The following TMF1 variants were observed in gnomAD, a reference collection of about 807,000 sequenced individuals.
TMF1 encodes TATA element modulatory factor.
In TMF1, 71 loss-of-function variants were observed where a neutral mutation model predicts 126.5. That is an observed-to-expected ratio of 0.56 (90% confidence interval 0.46 to 0.68). The LOEUF is 0.68. TMF1 is among the 30% of genes least tolerant of loss of function. The pLI is 0.00. For synonymous variants in TMF1, 461 were observed against 430.5 expected, an observed-to-expected ratio of 1.07 and a Z score of -0.88; for missense variants, 1,259 against 1,253.2, an observed-to-expected ratio of 1.00 and a Z score of -0.07.
At chr3:69,034,280 C>T (rs2091820646) in intron 9 of TMF1, among the ~76,000 whole-genome samples, 1 of 151,970 alleles carries the variant, frequency 6.6e-6, no homozygotes, top group African/African-American at 2.4e-5. Flanking sequence ...CAAGACCAGC[C>T]TGGCCAACAT....
At chr3:69,042,974 A>C (rs1342502604) in intron 4 of TMF1, 62 bp from the exon 5 acceptor site, 1 of 1,173,050 alleles carries the variant, frequency 8.5e-7, no homozygotes, top group Non-Finnish European at 1.2e-6. Context: ...TACAGTTCTC[A>C]TTTCTCCCCC....
intron 2 of TMF1, among the ~76,000 whole-genome samples, chr3:69,045,796 A>G (rs988706081): frequency 2.0e-5 from 3 of 152,174 alleles, no homozygotes; most frequent in African/African-American, 4.8e-5. Flanking sequence ...ACACGGGTTC[A>G]TGCTTATAAT....
intron 15 of TMF1, 129 bp from the exon 16 acceptor site, chr3:69,024,309 C>T (rs1339836109): frequency 5.2e-6 from 4 of 775,116 alleles, no homozygotes; most frequent in Non-Finnish European, 7.6e-6. Flanking sequence ...AACATATAAC[C>T]TTGAGCTAGC....
rs1033782777 is a variant in TMF1 at position 69,047,547 on chromosome 3, T to C, written c.1158A>G (p.Ile386Met). 18 of 1,614,064 alleles carry C rather than the reference T, an allele frequency of 1.1e-5. No homozygotes were observed. The African/African-American group carries it at 1.9e-4, about 17-fold the overall frequency. The change falls in exon 2 of 17, where the codon ATA becomes ATG. Residue 386 changes from isoleucine (I) to methionine (M), a missense_variant. By Grantham distance (10) the Ile-to-Met change is conservative. Coordinates refer to ENST00000398559, the MANE Select transcript of TMF1 (RefSeq NM_007114.3). ...CTTCCATTTCTGCTTCCTCAGTGGG[T>C]ATAACTAATGTTTCATTTACTTCTT... Reference protein sequence around the residue: ...KSEEVNETLVIPTEEAEMEES... With the variant: ...KSEEVNETLVMPTEEAEMEES...
At position 69,024,145 on chromosome 3, in the gene TMF1, T is replaced by A. The variant is rs2091753658; in HGVS notation, c.3048A>T (p.Ile1016=). 1 of 1,608,690 alleles carries A rather than the reference T, an allele frequency of 6.2e-7. No homozygotes were observed. Among genetic ancestry groups the A allele is most frequent in the Non-Finnish European group, 8.5e-7 (1 of 1,178,014 alleles). Reference sequence around the variant, plus strand: ...TTAATTTAACTAGTTCTTCAGCCATTATTGATCGAGTTTTTTCTAGATTGC... The same window carrying A: ...TTAATTTAACTAGTTCTTCAGCCATAATTGATCGAGTTTTTTCTAGATTGC... ...EIGNLEKTRS[I]MAEELVKLTN... Residue 1016 remains isoleucine (I), a synonymous_variant, in exon 16 of 17, where the codon ATA becomes ATT. Transcript: ENST00000398559.
At chr3:69,041,891 G>T (rs937823965) in intron 5 of TMF1, among the ~76,000 whole-genome samples, 1 of 151,924 alleles carries the variant, frequency 6.6e-6, no homozygotes, top group African/African-American at 2.4e-5. Context: ...ATTAACAAGA[G>T]AAATAAAAAG....
intron 1 of TMF1, among the ~76,000 whole-genome samples, chr3:69,050,976 A>G (rs2091924383): frequency 6.6e-6 from 1 of 152,338 alleles, no homozygotes; most frequent in South Asian, 2.1e-4. Context: ...TGAAACTGCA[A>G]AGAGAGACTT....
rs1380489941 is a variant in TMF1, at chr3:69,044,216, C to T, written c.1451+276G>A. ...AGCACAACTGTGTTATTGATTAACA[C>T]AGTTTTCTTCAAATACGTTTTAAAT... On this transcript the variant is annotated intron_variant, in intron 3 of 16. Transcript: ENST00000398559. Among the ~76,000 whole-genome samples, 5 of 152,272 alleles carry T rather than the reference C, an allele frequency of 3.3e-5. No homozygotes were observed. The South Asian group carries it at 8.3e-4, about 25-fold the overall frequency.
In TMF1 at chr3:69,042,784, A is replaced by T. The variant is rs779900492; in HGVS notation, c.1684+23T>A. On this transcript the variant is annotated intron_variant, in intron 5 of 16. Transcript: ENST00000398559. ...TTCCTGTTCTTACAGTATTTTTCAT[A>T]GTCAACCAAATACTATACGCACCTT... is the stretch of plus-strand genomic sequence containing the variant. 14 of 1,576,212 alleles carry T rather than the reference A, an allele frequency of 8.9e-6. No homozygotes were observed. In the Admixed American group the frequency reaches 2.2e-4, roughly 25 times the overall value.
chr3:69,043,740 T>C lies in TMF1; in HGVS notation c.1578+10A>G, dbSNP rs759595005. The C allele has an allele frequency of 7.5e-6, 12 of 1,597,834 alleles. 1 individual carries two copies. The South Asian group carries it at 1.3e-4, about 17-fold the overall frequency. ...AGAGTTTAATTAATATTACTTTAAA[T>C]TTCAATTACCTTTTTAGCAGCATCT... On this transcript the variant is annotated intron_variant, in intron 4 of 16. Transcript: ENST00000398559.
At chr3:69,033,377 A>G (rs576775354) in intron 10 of TMF1, among the ~76,000 whole-genome samples, 171 bp downstream of exon 10, 149 of 152,294 alleles carry the variant, frequency 9.8e-4, no homozygotes, top group African/African-American at 3.3e-3. Context: ...TGAAAGAGAC[A>G]TAATAAAGGT....
In TMF1 at chr3:69,029,961, T is replaced by C. The variant is rs1387849762; in HGVS notation, c.2448A>G (p.Ala816=). 6.2e-7 allele frequency: 1 copy of C among 1,614,178 alleles called. No homozygotes were observed. Among genetic ancestry groups the C allele is most frequent in the South Asian group, 1.1e-5 (1 of 91,086 alleles). Residue 816 remains alanine, a synonymous_variant, in exon 11 of 17, where the codon GCA becomes GCG. Coordinates refer to ENST00000398559, the MANE Select transcript of TMF1 (RefSeq NM_007114.3). The part of the protein sequence containing the change: ...LLAAAVERER[A]ATEELLANKI... ...TGTTAGCAAGGAGTTCTTCTGTAGC[T>C]GCACGTTCTCTCTCAACTGCTGCTG...
chr3:69,039,368 T>C (rs1041971781), intron 6 of TMF1, among the ~76,000 whole-genome samples, 183 bp downstream of exon 6: 29 of 152,178 alleles, frequency 1.9e-4, no homozygotes, highest in African/African-American at 6.8e-4. Context: ...TCCGAAAGTG[T>C]TGGGATTACA....
intron 8 of TMF1, among the ~76,000 whole-genome samples, chr3:69,035,637 A>G (rs927260888): frequency 6.6e-6 from 1 of 152,222 alleles, no homozygotes; most frequent in African/African-American, 2.4e-5. Context: ...TATTCCCTAC[A>G]GTATTAAATA....
intron 10 of TMF1, among the ~76,000 whole-genome samples, chr3:69,031,998 A>T (rs992635114): frequency 6.6e-6 from 1 of 152,236 alleles, no homozygotes; most frequent in Non-Finnish European, 1.5e-5. Context: ...TAAACGACAG[A>T]CCTAACATTT....
intron 15 of TMF1, chr3:69,024,686 T>C (rs1489390481): frequency 6.6e-6 from 1 of 152,060 alleles, no homozygotes; most frequent in African/African-American, 2.4e-5. Context: ...TATTTTCATA[T>C]AACTAAAAGT....
intron 14 of TMF1, 81 bp downstream of exon 14, chr3:69,025,915 G>A: frequency 1.0e-5 from 13 of 1,289,092 alleles, no homozygotes; most frequent in Non-Finnish European, 1.3e-5. Flanking sequence ...GCAAGGTCAT[G>A]ATGACAGACA....
intron 13 of TMF1, 90 bp downstream of exon 13, chr3:69,027,810 A>C (rs890882224): frequency 2.2e-5 from 15 of 671,524 alleles, no homozygotes; most frequent in Non-Finnish European, 3.5e-5. Context: ...CAAGCTTGTT[A>C]TAAAGCATAG....
At chr3:69,042,401 T>C (rs1052596562) in intron 5 of TMF1, 1 of 456,712 alleles carries the variant, frequency 2.2e-6, no homozygotes, top group East Asian at 6.9e-5. Flanking sequence ...ATTAATACAA[T>C]GAAAAATTCA....
Sources: allele counts gnomAD v4.1 joint callset (sites outside exome capture counted in the v4.1 genomes callset), GRCh38; gene constraint gnomAD v4.1.1; transcripts MANE v1.5; gene names NCBI Gene and HGNC (gene_info 2026-07-23, HGNC 2026-07-21).